The following ZBTB7C variants were observed in gnomAD, a reference collection of about 807,000 sequenced individuals.
ZBTB7C encodes the protein zinc finger and BTB domain containing 7C.
ZBTB7C carries 8 observed loss-of-function variants against 25.7 expected under a neutral mutation model. That is an observed-to-expected ratio of 0.31 (90% confidence interval 0.18 to 0.56). ZBTB7C has a LOEUF of 0.56. Among genes scored for constraint, ZBTB7C ranks in the 20% least tolerant of loss-of-function variants. ZBTB7C has a pLI of 0.91. For synonymous variants in ZBTB7C, 394 were observed against 369.0 expected (o/e 1.07, Z -0.78); for missense variants, 824 against 855.2 (o/e 0.96, Z 0.46).
At chr18:48,079,232 G>T (rs745593650) in intron 3 of ZBTB7C, among the ~76,000 whole-genome samples, 11 of 152,186 alleles carry the variant, frequency 7.2e-5, no homozygotes, top group Non-Finnish European at 1.3e-4. Context: ...GATGCCAAGG[G>T]GCCAGTGGCA....
intron 2 of ZBTB7C, among the ~76,000 whole-genome samples, chr18:48,279,745 G>A (rs916600357): frequency 1.3e-5 from 2 of 152,184 alleles, no homozygotes; most frequent in Non-Finnish European, 2.9e-5. Flanking sequence ...TGAGCCCCAG[G>A]CTGTCCAGGC....
At chr18:48,084,333 C>T (rs1471169678) in intron 3 of ZBTB7C, among the ~76,000 whole-genome samples, 2 of 152,192 alleles carry the variant, frequency 1.3e-5, no homozygotes, top group African/African-American at 4.8e-5. Flanking sequence ...ACGATGGGGG[C>T]TTAGGTCTCT....
intron 2 of ZBTB7C, among the ~76,000 whole-genome samples, chr18:48,211,596 A>C (rs545061938): frequency 1.3e-5 from 2 of 152,332 alleles, no homozygotes; most frequent in African/African-American, 4.8e-5. Flanking sequence ...CAACATCAAC[A>C]TCATATGTCA....
chr18:48,056,608 TA>T (rs1285135512), intron 3 of ZBTB7C, among the ~76,000 whole-genome samples: 3 of 152,152 alleles, frequency 2.0e-5, no homozygotes, highest in Non-Finnish European at 2.9e-5. Flanking sequence ...TAGCATGTAA[TA>T]AAGGTGGAAT....
chr18:48,069,762 G>A (rs2037474285), intron 3 of ZBTB7C, among the ~76,000 whole-genome samples: 1 of 152,232 alleles, frequency 6.6e-6, no homozygotes, highest in South Asian at 2.1e-4. Flanking sequence ...TCTGAGTGGA[G>A]CAGAGGAAGG....
intron 3 of ZBTB7C, chr18:48,077,044 A>G (rs2144446475): frequency 2.3e-6 from 2 of 862,866 alleles, no homozygotes; most frequent in Admixed American, 6.6e-5. Flanking sequence ...AAAGAAATGC[A>G]CAATATGTTG....
chr18:48,310,072 A>G (rs2045776298), intron 2 of ZBTB7C, among the ~76,000 whole-genome samples: 1 of 152,080 alleles, frequency 6.6e-6, no homozygotes, highest in African/African-American at 2.4e-5. Flanking sequence ...TACTAGAAAT[A>G]CAAAAAAATT....
chr18:48,192,997 C>T (rs1352701644), intron 2 of ZBTB7C, among the ~76,000 whole-genome samples: 1 of 152,180 alleles, frequency 6.6e-6, no homozygotes, highest in Admixed American at 6.5e-5. Context: ...AAACACAACG[C>T]TCGGTGCCAA....
chr18:48,247,738 C>CGG (rs141650010), intron 2 of ZBTB7C, among the ~76,000 whole-genome samples: 1 of 152,134 alleles, frequency 6.6e-6, no homozygotes, highest in Non-Finnish European at 1.5e-5. Flanking sequence ...AATTGGATCA[C>CGG]GGGGGTAGTT....
At chr18:48,333,818 A>G (rs1410839720) in intron 2 of ZBTB7C, among the ~76,000 whole-genome samples, 1 of 152,198 alleles carries the variant, frequency 6.6e-6, no homozygotes, top group Non-Finnish European at 1.5e-5. Flanking sequence ...TGCAGCGAGC[A>G]TCAAAGGCCC....
At position 48,307,919 on chromosome 18, in the gene ZBTB7C, G is replaced by A. The variant is rs532963533; in HGVS notation, c.-79+30255C>T. On this transcript the variant is annotated intron_variant, in intron 2 of 4. Transcript: ENST00000590800. ...TCTGTAAGAACAGGTATCTCTTTAT[G>A]CAATGGCTGTCGTGGAAGCCATGCA... 6.4e-4 allele frequency among the ~76,000 whole-genome samples: 98 copies of A among 152,288 alleles called. No individual in the cohort carries two copies. The South Asian group carries it at 0.019, about 30-fold the overall frequency.
chr18:48,324,310 C>T (rs1218970589), intron 2 of ZBTB7C, among the ~76,000 whole-genome samples: 1 of 152,122 alleles, frequency 6.6e-6, no homozygotes, highest in Non-Finnish European at 1.5e-5. Context: ...AAGCCATCAC[C>T]CCAAGAGAGC....
intron 1 of ZBTB7C, among the ~76,000 whole-genome samples, chr18:48,382,966 G>A (rs2047666087): frequency 6.6e-6 from 1 of 152,152 alleles, no homozygotes; most frequent in Non-Finnish European, 1.5e-5. Flanking sequence ...TTTGATTGTT[G>A]AGTAACAGGA....
At chr18:48,096,501 T>C (rs1275128381) in intron 3 of ZBTB7C, among the ~76,000 whole-genome samples, 1 of 152,128 alleles carries the variant, frequency 6.6e-6, no homozygotes. Context: ...TTTAAAATAA[T>C]TACCAGGATG....
At chr18:48,115,415 A>AT (rs34706728) in intron 3 of ZBTB7C, among the ~76,000 whole-genome samples, 3 of 151,570 alleles carry the variant, frequency 2.0e-5, no homozygotes, top group African/African-American at 4.9e-5. Flanking sequence ...CACCTAGCTA[A>AT]TTTTTTTTGT....
chr18:48,197,199 A>T (rs976590591), intron 2 of ZBTB7C, among the ~76,000 whole-genome samples: 32 of 152,234 alleles, frequency 2.1e-4, no homozygotes, highest in Non-Finnish European at 3.8e-4. Flanking sequence ...TGAGCTAGTC[A>T]CAGAAAAATG....
Position 48,098,861 on chromosome 18 carries a change from G to A in ZBTB7C, c.-16-57738C>T, listed in dbSNP as rs113517009. Among the ~76,000 whole-genome samples the A allele has an allele frequency of 4.7e-3, 718 of 152,330 alleles. 4 individuals are homozygous for A. The highest frequency in any genetic ancestry group is 6.6e-3 in the Non-Finnish European group (447 of 68,030). On this transcript the variant is annotated intron_variant, in intron 3 of 4. Coordinates refer to ENST00000590800, the MANE Select transcript of ZBTB7C (RefSeq NM_001318841.2). ...GCGGCACTGAAATTGGAGAGGCCATGAGGCTATTCCTGTTGCTGCCATCTT... is the reference window on the plus strand; with the variant it reads ...GCGGCACTGAAATTGGAGAGGCCATAAGGCTATTCCTGTTGCTGCCATCTT...
Position 48,029,509 on chromosome 18 carries a change from C to G in ZBTB7C, c.1611G>C (p.Ala537=), listed in dbSNP as rs571871182. The part of the protein sequence containing the change: ...GPSPAKHFLA[A]PKGALSLQEL... ...CTTGCAGGCTCAGGGCGCCCTTGGG[C>G]GCTGCCAGGAAGTGCTTGGCGGGGC... Residue 537 remains alanine, a synonymous_variant, in exon 5 of 5, where the codon GCG becomes GCC. Transcript: ENST00000590800. 28 of 1,588,326 alleles carry G rather than the reference C, an allele frequency of 1.8e-5. No homozygotes were observed. The East Asian group carries it at 6.2e-4, about 35-fold the overall frequency.
At chr18:48,059,638 G>A (rs180901299) in intron 3 of ZBTB7C, among the ~76,000 whole-genome samples, 1 of 152,232 alleles carries the variant, frequency 6.6e-6, no homozygotes, top group East Asian at 1.9e-4. Flanking sequence ...TTTATTTACC[G>A]GCCCCACACC....
Sources: allele counts gnomAD v4.1 joint callset (sites outside exome capture counted in the v4.1 genomes callset), GRCh38; gene constraint gnomAD v4.1.1; transcripts MANE v1.5; gene names NCBI Gene and HGNC (gene_info 2026-07-23, HGNC 2026-07-21).